The following NR3C1 variants were observed in gnomAD, a reference collection of about 807,000 sequenced individuals.
The protein encoded by NR3C1 is nuclear receptor subfamily 3 group C member 1.
Under a neutral mutation model 74.0 loss-of-function variants are expected in NR3C1, and 14 were observed. The observed-to-expected ratio is 0.19, with a 90% CI of 0.12 to 0.30. NR3C1 has a LOEUF of 0.30. Ranked by LOEUF, NR3C1 falls within the 10% of genes least tolerant of loss-of-function variation. The probability of loss-of-function intolerance (pLI) is 1.00; values close to 1 mark genes in which losing one functional copy is unlikely to be tolerated. For missense variants in NR3C1, 695 were observed against 909.8 expected (o/e 0.76, Z 3.04); for synonymous variants, 308 against 332.5 (o/e 0.93, Z 0.80).
At chr5:143,342,451 G>C (rs1373917571) in intron 2 of NR3C1, among the ~76,000 whole-genome samples, 1 of 152,166 alleles carries the variant, frequency 6.6e-6, no homozygotes, top group Non-Finnish European at 1.5e-5. Flanking sequence ...CTCCAGGGGA[G>C]GAGTTTACTC....
chr5:143,332,830 G>A (rs946679288), intron 2 of NR3C1: 6 of 1,474,418 alleles, frequency 4.1e-6, no homozygotes, highest in Non-Finnish European at 5.6e-6. Flanking sequence ...GCAAGACTTC[G>A]CCTAAAGAAA....
rs993926851 is a variant in NR3C1 at position 143,281,135 on chromosome 5, T to C, written c.*754A>G. The C allele has an allele frequency of 6.6e-6, 1 of 151,012 alleles. No homozygotes were observed. The highest frequency in any genetic ancestry group is 2.4e-5 in the African/African-American group (1 of 40,900). The allele number at this position is 151,012 out of a possible 1,614,324, so 9.4% of individuals were successfully genotyped here. On this transcript the variant is annotated 3_prime_UTR_variant, in exon 9 of 9. Transcript: ENST00000394464. ...AAATATGAGCTTTTTTTTTTTTTTT[T>C]TTGACAAGAATACTGGAGATTTGAG...
intron 2 of NR3C1, among the ~76,000 whole-genome samples, chr5:143,396,403 C>A (rs763599837): frequency 2.6e-5 from 4 of 151,334 alleles, no homozygotes; most frequent in Non-Finnish European, 4.4e-5. Flanking sequence ...ACTGAAACAC[C>A]CATTGCCAGA....
intron 7 of NR3C1, among the ~76,000 whole-genome samples, chr5:143,285,969 TTA>T: frequency 9.5e-6 from 1 of 105,140 alleles, no homozygotes; most frequent in Non-Finnish European, 2.2e-5. Context: ...GCCAGACTGA[TTA>T]AAAAAAAAAA....
chr5:143,298,891 A>C, intron 5 of NR3C1, 79 bp from the exon 6 acceptor site: 1 of 1,472,446 alleles, frequency 6.8e-7, no homozygotes. Context: ...GAGCAATGAG[A>C]TCAATTAGCC....
chr5:143,384,911 T>A (rs182766225), intron 2 of NR3C1, among the ~76,000 whole-genome samples: 1 of 152,320 alleles, frequency 6.6e-6, no homozygotes, highest in East Asian at 1.9e-4. Context: ...ACCCCATGTA[T>A]CTCCTCTGCA....
At chr5:143,329,497 T>C (rs775307589) in intron 2 of NR3C1, among the ~76,000 whole-genome samples, 1 of 152,216 alleles carries the variant, frequency 6.6e-6, no homozygotes, top group African/African-American at 2.4e-5. Context: ...CAGAACACTA[T>C]ATTATACATT....
chr5:143,327,312 C>T (rs1390900700), intron 2 of NR3C1, among the ~76,000 whole-genome samples: 1 of 152,032 alleles, frequency 6.6e-6, no homozygotes, highest in African/African-American at 2.4e-5. Flanking sequence ...ATGGAAAAAA[C>T]CCCCCCATGA....
At position 143,301,793 on chromosome 5, in the gene NR3C1, A is replaced by T. The variant is rs1395458329; in HGVS notation, c.1469-1030T>A. 1.1e-4 allele frequency among the ~76,000 whole-genome samples: 16 copies of T among 152,232 alleles called. No individual in the cohort carries two copies. The East Asian group carries it at 2.9e-3, about 28-fold the overall frequency. On this transcript the variant is annotated intron_variant, in intron 4 of 8. Transcript: ENST00000394464. ...AAGAGTAAATGTAAATCACCTTTAA[A>T]AATCATTTTTAGATCCTCTGTCCTT...
At chr5:143,417,044 G>C (rs1030368596) in intron 1 of NR3C1, among the ~76,000 whole-genome samples, 2 of 152,138 alleles carry the variant, frequency 1.3e-5, no homozygotes, top group African/African-American at 2.4e-5. Flanking sequence ...AATGTCTTAC[G>C]TAGTTTTTCT....
intron 4 of NR3C1, among the ~76,000 whole-genome samples, chr5:143,301,479 T>C (rs1818476881): frequency 6.6e-6 from 1 of 152,096 alleles, no homozygotes; most frequent in South Asian, 2.1e-4. Context: ...AAGATTTATA[T>C]TGATTACTCT....
intron 2 of NR3C1, among the ~76,000 whole-genome samples, chr5:143,315,489 A>G (rs577820301): frequency 6.6e-6 from 1 of 152,310 alleles, no homozygotes; most frequent in East Asian, 1.9e-4. Context: ...TCATAAATAT[A>G]CTAGTACCTC....
At chr5:143,417,691 G>A (rs929433537) in intron 1 of NR3C1, among the ~76,000 whole-genome samples, 7 of 151,972 alleles carry the variant, frequency 4.6e-5, no homozygotes, top group East Asian at 1.9e-4. Context: ...GAAAGTACAC[G>A]CCCATACACA....
chr5:143,362,669 G>A (rs1358881896), intron 2 of NR3C1, among the ~76,000 whole-genome samples: 1 of 152,042 alleles, frequency 6.6e-6, no homozygotes, highest in East Asian at 1.9e-4. Context: ...CCAAAGACTT[G>A]TAATTAATTA....
intron 3 of NR3C1, among the ~76,000 whole-genome samples, chr5:143,311,663 T>C (rs1252681629): frequency 5.9e-5 from 9 of 152,214 alleles, no homozygotes; most frequent in Non-Finnish European, 8.8e-5. Flanking sequence ...TTTATTTATT[T>C]TTAGACAAGT....
intron 2 of NR3C1, among the ~76,000 whole-genome samples, chr5:143,377,026 T>C (rs1835335849): frequency 6.6e-6 from 1 of 152,144 alleles, no homozygotes; most frequent in Non-Finnish European, 1.5e-5. Flanking sequence ...GGGAAGGCTC[T>C]TTTGTCTCAA....
rs1812697768 is a variant in NR3C1, at chr5:143,278,853, T to TA, written c.*3035dup. 6.5e-6 allele frequency: 1 copy of TA among 153,506 alleles called. No individual in the cohort carries two copies. The highest frequency in any genetic ancestry group is 2.4e-5 in the African/African-American group (1 of 41,466). The allele number at this position is 153,506 out of a possible 1,614,324, so 9.5% of individuals were successfully genotyped here. On this transcript the variant is annotated 3_prime_UTR_variant, in exon 9 of 9. Transcript: ENST00000394464. ...GGCATGCCCAGAGCTCATCCCATGC[T>TA]AATTATCCAGCACTTCATAGACACA...
chr5:143,419,623 A>T (rs1192547833), intron 1 of NR3C1, among the ~76,000 whole-genome samples: 1 of 152,142 alleles, frequency 6.6e-6, no homozygotes, highest in Non-Finnish European at 1.5e-5. Context: ...GGGACTTTCA[A>T]AAGGGGAGGG....
intron 2 of NR3C1, among the ~76,000 whole-genome samples, chr5:143,369,015 A>C (rs1600326043): frequency 6.6e-6 from 1 of 152,210 alleles, no homozygotes; most frequent in East Asian, 1.9e-4. Flanking sequence ...GTGATAACCC[A>C]TTAGTACATT....
Sources: allele counts gnomAD v4.1 joint callset (sites outside exome capture counted in the v4.1 genomes callset), GRCh38; gene constraint gnomAD v4.1.1; transcripts MANE v1.5; gene names NCBI Gene and HGNC (gene_info 2026-07-23, HGNC 2026-07-21).